The following CRIM1 variants were observed in gnomAD, a reference collection of about 807,000 sequenced individuals.
CRIM1 encodes the protein cysteine-rich motor neuron 1 protein.
CRIM1 carries 32 observed loss-of-function variants against 116.4 expected under a neutral mutation model. That is an observed-to-expected ratio of 0.27 (90% CI 0.21 to 0.37). CRIM1 has a LOEUF of 0.37. CRIM1 is among the 10% of genes least tolerant of loss of function. CRIM1 has a pLI of 1.00. For synonymous variants in CRIM1, 590 were observed against 509.2 expected (o/e 1.16, Z -2.13); for missense variants, 1,331 against 1,354.8 (o/e 0.98, Z 0.28).
intron 2 of CRIM1, among the ~76,000 whole-genome samples, chr2:36,412,569 T>C (rs892083696): frequency 3.9e-5 from 6 of 152,236 alleles, no homozygotes; most frequent in Non-Finnish European, 1.5e-5. Flanking sequence ...ATTTGTATTA[T>C]TTGTGTATTC....
At chr2:36,510,398 C>T (rs1262023381) in intron 9 of CRIM1, among the ~76,000 whole-genome samples, 1 of 152,174 alleles carries the variant, frequency 6.6e-6, no homozygotes, top group African/African-American at 2.4e-5. Context: ...TTTCCCATAG[C>T]AGAGTCCTTT....
In CRIM1 at chr2:36,549,582, T is replaced by C. The variant is rs1321004409; in HGVS notation, c.*881T>C. The C allele has an allele frequency of 6.6e-6, 1 of 152,536 alleles. No individual in the cohort carries two copies. The highest frequency in any genetic ancestry group is 1.5e-5 in the Non-Finnish European group (1 of 68,004). The allele number at this position is 152,536 out of a possible 1,614,324, so 9.4% of individuals were successfully genotyped here. A position where few individuals can be genotyped will look rare whatever the true frequency, so the allele number is the denominator to read the frequency against. On this transcript the variant is annotated 3_prime_UTR_variant, in exon 17 of 17. Coordinates refer to ENST00000280527, the MANE Select transcript of CRIM1 (RefSeq NM_016441.3). ...GTTGTTGCTTTGTTCTGTTATATTG[T>C]TGGTTGTTCATAGTTTTTGTTGAAG...
At chr2:36,541,069 T>G (rs1203989538) in intron 14 of CRIM1, among the ~76,000 whole-genome samples, 1 of 152,154 alleles carries the variant, frequency 6.6e-6, no homozygotes, top group African/African-American at 2.4e-5. Flanking sequence ...CAGTTGAGCT[T>G]TTGCCACCTT....
intron 1 of CRIM1, among the ~76,000 whole-genome samples, chr2:36,367,854 A>G (rs1287528765): frequency 1.3e-5 from 2 of 152,242 alleles, no homozygotes; most frequent in African/African-American, 4.8e-5. Context: ...GATTCAGGGT[A>G]GAACTCAAAC....
chr2:36,384,604 A>T (rs548880062), intron 1 of CRIM1, among the ~76,000 whole-genome samples: 2 of 152,330 alleles, frequency 1.3e-5, no homozygotes, highest in African/African-American at 2.4e-5. Context: ...AATGTTAGGG[A>T]TCAGATCACT....
intron 3 of CRIM1, among the ~76,000 whole-genome samples, chr2:36,442,361 C>T (rs1675913374): frequency 6.6e-6 from 1 of 152,070 alleles, no homozygotes; most frequent in African/African-American, 2.4e-5. Context: ...ATCCATGTAA[C>T]CACTGCTGGT....
intron 15 of CRIM1, 57 bp from the exon 16 acceptor site, chr2:36,546,927 A>T: frequency 9.7e-7 from 1 of 1,033,428 alleles, no homozygotes. Flanking sequence ...TGTCATTAAA[A>T]TAATCCTTAA....
intron 2 of CRIM1, among the ~76,000 whole-genome samples, chr2:36,408,523 C>T (rs985927446): frequency 1.3e-5 from 2 of 152,210 alleles, no homozygotes; most frequent in African/African-American, 4.8e-5. Context: ...GCAAAGGATG[C>T]TGTGAGTGGA....
Position 36,482,964 on chromosome 2 carries a change from G to T in CRIM1, c.1372+3270G>T, listed in dbSNP as rs568957277. Among the ~76,000 whole-genome samples, 42 of 152,278 alleles carry T rather than the reference G, an allele frequency of 2.8e-4. No individual in the cohort carries two copies. In the South Asian group the frequency reaches 7.1e-3, roughly 26 times the overall value. On this transcript the variant is annotated intron_variant, in intron 7 of 16. Coordinates refer to ENST00000280527, the MANE Select transcript of CRIM1 (RefSeq NM_016441.3). ...GAGGACTAGGGACATGAACCTGGGG[G>T]CCCTTAAAGACTAGGCTGTTACTTG...
intron 14 of CRIM1, among the ~76,000 whole-genome samples, chr2:36,540,692 T>C (rs1666885628): frequency 6.6e-6 from 1 of 152,186 alleles, no homozygotes; most frequent in Non-Finnish European, 1.5e-5. Flanking sequence ...CTGAATGACA[T>C]GTTCACAAAG....
At chr2:36,448,076 TC>T (rs1676388947) in intron 4 of CRIM1, among the ~76,000 whole-genome samples, 1 of 152,228 alleles carries the variant, frequency 6.6e-6, no homozygotes, top group Non-Finnish European at 1.5e-5. Flanking sequence ...TTTTTAACCT[TC>T]CGCTTCTTGA....
intron 13 of CRIM1, among the ~76,000 whole-genome samples, chr2:36,530,342 C>G (rs1350375394): frequency 6.6e-6 from 1 of 152,094 alleles, no homozygotes; most frequent in African/African-American, 2.4e-5. Flanking sequence ...TCTCAGATCC[C>G]TGCATCATTA....
chr2:36,398,632 TA>T (rs1010501841), intron 2 of CRIM1, among the ~76,000 whole-genome samples: 1 of 152,194 alleles, frequency 6.6e-6, no homozygotes, highest in Non-Finnish European at 1.5e-5. Context: ...TCCAACTTAT[TA>T]TTTCAGATGG....
At chr2:36,384,633 C>T (rs1477414190) in intron 1 of CRIM1, among the ~76,000 whole-genome samples, 1 of 152,118 alleles carries the variant, frequency 6.6e-6, no homozygotes, top group Admixed American at 6.5e-5. Flanking sequence ...AATAATAGTC[C>T]ACCCAAGGTA....
chr2:36,363,537 C>CCG (rs1558500364), intron 1 of CRIM1, among the ~76,000 whole-genome samples: 1 of 143,192 alleles, frequency 7.0e-6, no homozygotes, highest in African/African-American at 2.5e-5. Context: ...CCGCCCCCCC[C>CCG]CCCCATGACT....
intron 1 of CRIM1, among the ~76,000 whole-genome samples, chr2:36,393,412 TTTAA>T (rs755326187): frequency 8.5e-5 from 13 of 152,206 alleles, no homozygotes; most frequent in Non-Finnish European, 1.3e-4. Context: ...ACACACATTT[TTTAA>T]TTAGACACTT....
At position 36,510,013 on chromosome 2, in the gene CRIM1, G is replaced by A. The variant is rs761568969; in HGVS notation, c.1532G>A (p.Gly511Asp). Reference sequence around the variant, plus strand: ...GAACTATGTTCAGAACGTAAACAAGGCTGCACCTTGAACTGTCCCTTCGGT... The same window carrying A: ...GAACTATGTTCAGAACGTAAACAAGACTGCACCTTGAACTGTCCCTTCGGT... ...TEELCSERKQ[G>D]CTLNCPFGFL... is the part of the protein sequence containing the mutation. The change falls in exon 9 of 17, where the codon GGC becomes GAC. Residue 511 changes from glycine to aspartate, a missense_variant. By Grantham distance (94) the Gly-to-Asp change is moderately conservative. Transcript: ENST00000280527. The A allele has an allele frequency of 2.1e-5, 34 of 1,614,106 alleles. No individual in the cohort carries two copies. Among genetic ancestry groups the A allele is most frequent in the Non-Finnish European group, 2.5e-5 (29 of 1,180,006 alleles).
At chr2:36,512,075 C>G (rs930970974) in intron 9 of CRIM1, among the ~76,000 whole-genome samples, 198 bp from the exon 10 acceptor site, 11 of 152,358 alleles carry the variant, frequency 7.2e-5, no homozygotes, top group African/African-American at 2.6e-4. Context: ...GCTTGGGCAA[C>G]TCTCTGCCTT....
At chr2:36,480,971 A>C (rs1309053095) in intron 7 of CRIM1, among the ~76,000 whole-genome samples, 5 of 152,234 alleles carry the variant, frequency 3.3e-5, no homozygotes, top group Admixed American at 1.3e-4. Context: ...ACTGAAGCAG[A>C]TGAAGATAAG....
Sources: gnomAD v4.1 joint callset for allele counts (sites outside exome capture counted in the v4.1 genomes callset) on GRCh38, gnomAD v4.1.1 for gene constraint, MANE v1.5 for transcripts, NCBI Gene and HGNC (gene_info 2026-07-23, HGNC 2026-07-21) for gene names.